The following DAPK2 variants were observed in gnomAD, a reference collection of about 807,000 sequenced individuals.
DAPK2 encodes the protein death-associated protein kinase 2.
In DAPK2, 35 loss-of-function variants were observed where a neutral mutation model predicts 44.1. The ratio of observed to expected loss-of-function variants is 0.79; its 90% CI spans 0.61 to 1.05. The LOEUF is 1.05. Among genes scored for constraint, DAPK2 ranks in the 50% least tolerant of loss-of-function variants. The pLI, the probability that DAPK2 is intolerant of heterozygous loss-of-function variation, is 0.00. For missense variants in DAPK2, 453 were observed against 483.2 expected, an observed-to-expected ratio of 0.94 and a Z score of 0.59; for synonymous variants, 174 against 182.6, an observed-to-expected ratio of 0.95 and a Z score of 0.38.
chr15:63,918,979 C>G (rs73450780), intron 8 of DAPK2: 2 of 152,302 alleles, frequency 1.3e-5, no homozygotes, highest in African/African-American at 2.4e-5. Flanking sequence ...CAGCCCTTCC[C>G]GCCATTGTTA....
chr15:63,922,512 G>A, intron 8 of DAPK2: 3 of 1,342,818 alleles, frequency 2.2e-6, no homozygotes, highest in Non-Finnish European at 2.9e-6. Flanking sequence ...TAACAGCTTG[G>A]CTGCCCTGCC....
chr15:63,915,223 G>A (rs2078896292), intron 8 of DAPK2, among the ~76,000 whole-genome samples: 1 of 152,204 alleles, frequency 6.6e-6, no homozygotes, highest in Non-Finnish European at 1.5e-5. Flanking sequence ...GTGGTTGACT[G>A]AATCTGAGGA....
chr15:64,011,615 T>C (rs2079392158), intron 1 of DAPK2, among the ~76,000 whole-genome samples: 1 of 152,238 alleles, frequency 6.6e-6, no homozygotes, highest in Non-Finnish European at 1.5e-5. Context: ...GTTCTATATC[T>C]GTGCTGTCTA....
rs192834667 is a variant in DAPK2 at position 64,039,866 on chromosome 15, G to T, written c.92+304C>A. Among the ~76,000 whole-genome samples, 105 of 152,328 alleles carry T rather than the reference G, an allele frequency of 6.9e-4. 1 individual carries two copies. The highest frequency in any genetic ancestry group is 2.5e-3 in the African/African-American group (102 of 41,576). On this transcript the variant is annotated intron_variant, in intron 1 of 10. Coordinates refer to ENST00000261891, the Ensembl canonical transcript of DAPK2. ...CCAACAAGTCAGGTCTCCATCCAGAGCCTGGGGAAGCTTTATGAAAAAAGT... is the reference window on the plus strand; with the variant it reads ...CCAACAAGTCAGGTCTCCATCCAGATCCTGGGGAAGCTTTATGAAAAAAGT...
At position 63,923,605 on chromosome 15, in the gene DAPK2, G is replaced by C. The variant is rs991138076; in HGVS notation, c.858+1211C>G. ...GCTCCACACACATAGCATTTAAGGG[G>C]TGCTCACGCAGACAAGCAGGCTGCA... On this transcript the variant is annotated intron_variant, in intron 8 of 10. Coordinates refer to ENST00000261891, the Ensembl canonical transcript of DAPK2. This position sits in a 1 kb window ranked among gnomAD's most constrained non-coding sequence, Gnocchi z 4.2. Among the ~76,000 whole-genome samples, 1 of 152,202 alleles carries C rather than the reference G, an allele frequency of 6.6e-6. No homozygotes were observed. The highest frequency in any genetic ancestry group is 1.5e-5 in the Non-Finnish European group (1 of 68,024).
chr15:63,966,150 T>A lies in DAPK2; in HGVS notation c.453+5273A>T, dbSNP rs1319318528. On this transcript the variant is annotated intron_variant, in intron 3 of 10. Transcript: ENST00000261891. The surrounding 1 kb of genome is among the most constrained non-coding windows in gnomAD (Gnocchi z 5.5). ...GCCTCTGTAGTCAGCAGGTGATGAA[T>A]CCTGCCAGGACTGGGTCCTTCCCTT... Among the ~76,000 whole-genome samples, 2 of 152,190 alleles carry A rather than the reference T, an allele frequency of 1.3e-5. No individual in the cohort carries two copies. Among genetic ancestry groups the A allele is most frequent in the East Asian group, 1.9e-4 (1 of 5,204 alleles).
chr15:64,029,379 A>G (rs999780169), intron 1 of DAPK2, among the ~76,000 whole-genome samples: 9 of 151,922 alleles, frequency 5.9e-5, no homozygotes, highest in African/African-American at 2.2e-4. Context: ...TGGCAGCCCC[A>G]TCCCTTCACC....
At chr15:63,988,514 T>A (rs1026953684) in intron 1 of DAPK2, among the ~76,000 whole-genome samples, 1 of 151,784 alleles carries the variant, frequency 6.6e-6, no homozygotes, top group East Asian at 1.9e-4. Flanking sequence ...TTCCTTTTTT[T>A]TTTTTTTTGA....
In DAPK2 at chr15:64,016,894, AGGAAGGAC is replaced by A. The variant is rs1435562499; in HGVS notation, c.92+23268_92+23275del. ...AAGGAAGGAAGGAAGGAAGGAAGGA[AGGAAGGAC>A]GGACATGTAAAATGCCCAGCATATG... On this transcript the variant is annotated intron_variant, in intron 1 of 10. Coordinates refer to ENST00000261891, the Ensembl canonical transcript of DAPK2. Among the ~76,000 whole-genome samples, 20 of 118,360 alleles carry A rather than the reference AGGAAGGAC, an allele frequency of 1.7e-4. 1 individual carries two copies. The highest frequency in any genetic ancestry group is 3.5e-4 in the African/African-American group (12 of 33,842). The allele number at this position is 118,360 out of a possible 152,430, so 77.6% of individuals were successfully genotyped here. A position where few individuals can be genotyped will look rare whatever the true frequency, so the allele number is the denominator to read the frequency against.
chr15:63,977,465 G>A (rs1466691953), intron 2 of DAPK2, among the ~76,000 whole-genome samples: 1 of 152,198 alleles, frequency 6.6e-6, no homozygotes, highest in African/African-American at 2.4e-5. Flanking sequence ...ACCTTGGGGT[G>A]GGACATGTGA....
At chr15:63,910,946 A>C (rs1171350183) in intron 10 of DAPK2, 5 of 152,282 alleles carry the variant, frequency 3.3e-5, no homozygotes, top group African/African-American at 1.2e-4. Context: ...TTGGCCTGGC[A>C]TGGTGGCTTA....
chr15:63,993,534 G>A (rs2078871417), intron 1 of DAPK2, among the ~76,000 whole-genome samples: 2 of 151,784 alleles, frequency 1.3e-5, no homozygotes, highest in African/African-American at 4.8e-5. Context: ...TCAGCTCTTA[G>A]CCATCTAGGA....
At chr15:63,998,353 G>C (rs1447636343) in intron 1 of DAPK2, among the ~76,000 whole-genome samples, 1 of 152,202 alleles carries the variant, frequency 6.6e-6, no homozygotes. Flanking sequence ...AGAGGTGGCA[G>C]GTCCAGGCTT....
intron 7 of DAPK2, among the ~76,000 whole-genome samples, chr15:63,925,539 G>A (rs2079218849): frequency 6.6e-6 from 1 of 152,034 alleles, no homozygotes; most frequent in Non-Finnish European, 1.5e-5. Context: ...TGACCTCTCT[G>A]AGCCTACCAG....
chr15:63,932,568 C>CTTT, intron 4 of DAPK2: 1 of 147,230 alleles, frequency 6.8e-6, no homozygotes. Flanking sequence ...TTAGATGACA[C>CTTT]TTTTTAAAAG....
chr15:64,038,689 A>C (rs537902843), intron 1 of DAPK2, among the ~76,000 whole-genome samples: 1 of 152,130 alleles, frequency 6.6e-6, no homozygotes, highest in East Asian at 1.9e-4. Flanking sequence ...GAAAGTTTAA[A>C]AAAAAAAAAA....
At chr15:64,033,530 A>C (rs184428820) in intron 1 of DAPK2, among the ~76,000 whole-genome samples, 1 of 152,348 alleles carries the variant, frequency 6.6e-6, no homozygotes, top group Non-Finnish European at 1.5e-5. Context: ...TGAGAAAAGC[A>C]AGTTGTTGAC....
At position 63,977,027 on chromosome 15, in the gene DAPK2, T is replaced by TC. The variant is rs1316864811; in HGVS notation, c.315-5467dup. 2.4e-4 allele frequency among the ~76,000 whole-genome samples: 36 copies of TC among 152,140 alleles called. 1 individual carries two copies. Among genetic ancestry groups the TC allele is most frequent in the Admixed American group, 1.7e-3 (26 of 15,284 alleles). On this transcript the variant is annotated intron_variant, in intron 2 of 10. Coordinates refer to ENST00000261891, the Ensembl canonical transcript of DAPK2. ...AAGAACACCATGAGGAAGGAACAAG[T>TC]CTAATCCAGACTGTGAAACAGGACA...
At chr15:63,983,381 A>T in intron 2 of DAPK2, 152 bp downstream of exon 3, 1 of 671,242 alleles carries the variant, frequency 1.5e-6, no homozygotes, top group African/African-American at 1.8e-5. Flanking sequence ...GGTAACTGAG[A>T]CAGAGGGGAT....
Sources: gnomAD v4.1 joint callset for allele counts (sites outside exome capture counted in the v4.1 genomes callset) on GRCh38, gnomAD v4.1.1 for gene constraint, Gnocchi (gnomAD v3.1) non-coding constraint, MANE v1.5 for transcripts, NCBI Gene and HGNC (gene_info 2026-07-23, HGNC 2026-07-21) for gene names.